The following HMGCS2 variants were observed in gnomAD, a reference collection of about 807,000 sequenced individuals.
HMGCS2 encodes the protein 3-hydroxy-3-methylglutaryl-CoA synthase 2, also known as hydroxymethylglutaryl-CoA synthase, mitochondrial.
A neutral mutation model predicts 57.4 loss-of-function variants in HMGCS2; 50 were observed. The ratio of observed to expected loss-of-function variants is 0.87; its 90% CI spans 0.69 to 1.10. The LOEUF is 1.10. Among genes scored for constraint, HMGCS2 ranks in the 50% least tolerant of loss-of-function variants. The pLI is 0.00. For missense variants in HMGCS2, 627 were observed against 636.5 expected, an observed-to-expected ratio of 0.99 and a Z score of 0.16; for synonymous variants, 254 against 245.1, an observed-to-expected ratio of 1.04 and a Z score of -0.34.
At position 119,748,749 on chromosome 1, in the gene HMGCS2, TACCAG is replaced by T. The variant is rs1440069329; in HGVS notation, c.*93_*97del. ...GCTACTATGTCGATTCAAATTCATT[TACCAG>T]CTAAGAGTGGGATCTTAAAAATATG... On this transcript the variant is annotated 3_prime_UTR_variant, in exon 10 of 10. Transcript: ENST00000369406. 1 of 152,250 alleles carries T rather than the reference TACCAG, an allele frequency of 6.6e-6. No individual in the cohort carries two copies. Among genetic ancestry groups the T allele is most frequent in the East Asian group, 1.9e-4 (1 of 5,194 alleles). 9.4% of individuals were successfully genotyped at this position (152,250 alleles called of 1,614,324 possible).
At chr1:119,757,571 T>C in intron 4 of HMGCS2, 133 bp from the exon 5 acceptor site, 1 of 1,401,472 alleles carries the variant, frequency 7.1e-7, no homozygotes, top group Non-Finnish European at 9.7e-7. Flanking sequence ...CAAACACATA[T>C]GAGCTTTATT....
intron 8 of HMGCS2, among the ~76,000 whole-genome samples, chr1:119,751,376 T>TG: frequency 6.6e-6 from 1 of 151,022 alleles, no homozygotes; most frequent in African/African-American, 2.4e-5. Context: ...TTTTTTTTTT[T>TG]TTTGTTTTGA....
At chr1:119,753,410 A>AACACACACACAC (rs71074435) in intron 6 of HMGCS2, 24 bp from the exon 7 acceptor site, 65 of 747,116 alleles carry the variant, frequency 8.7e-5, no homozygotes, top group South Asian at 4.4e-5. Flanking sequence ...AATCAAATAA[A>AACACACACACAC]ACACACACAC....
chr1:119,760,095 A>C (rs1159206811), intron 2 of HMGCS2, 106 bp from the exon 3 acceptor site: 1 of 1,041,120 alleles, frequency 9.6e-7, no homozygotes, highest in African/African-American at 1.6e-5. Context: ...TAGAGTGATA[A>C]ACAAAATAAA....
At chr1:119,759,306 C>T (rs1378857894) in intron 3 of HMGCS2, 24 bp from the exon 4 acceptor site, 1 of 1,610,606 alleles carries the variant, frequency 6.2e-7, no homozygotes, top group East Asian at 2.2e-5. Flanking sequence ...CAAAGTGTTT[C>T]AGAGACTACA....
Position 119,768,780 on chromosome 1 carries a change from G to A in HMGCS2, c.65C>T (p.Ser22Phe). Reference protein sequence around the residue: ...LQLTRAVQETSLTPARLLPVA... With the variant: ...LQLTRAVQETFLTPARLLPVA... ...TGGGAGCAGGCGAGCAGGTGTGAGGGAGGTTTCCTGCACCGCTCTTGTCAG... is the reference window on the plus strand; with the variant it reads ...TGGGAGCAGGCGAGCAGGTGTGAGGAAGGTTTCCTGCACCGCTCTTGTCAG... The change falls in exon 1 of 10, where the codon TCC becomes TTC. Residue 22 changes from serine to phenylalanine, a missense_variant. Ser to Phe is a radical substitution (Grantham distance 155, BLOSUM62 -2). Transcript: ENST00000369406. 6.2e-7 allele frequency: 1 copy of A among 1,614,110 alleles called. No homozygotes were observed. Among genetic ancestry groups the A allele is most frequent in the South Asian group, 1.1e-5 (1 of 91,082 alleles).
Position 119,764,633 on chromosome 1 carries a change from T to C in HMGCS2, c.105-7A>G. On this transcript the variant is annotated splice_region_variant and splice_polypyrimidine_tract_variant and intron_variant, in intron 1 of 9. Transcript: ENST00000369406. ...AGCAGAGGCTGTAGAAAACCTGTGA[T>C]GGAGATAACAGTCAAACTCCCACTA... 6.2e-7 allele frequency: 1 copy of C among 1,607,784 alleles called. No individual in the cohort carries two copies. Among genetic ancestry groups the C allele is most frequent in the Non-Finnish European group, 8.5e-7 (1 of 1,175,606 alleles).
At chr1:119,761,274 AC>A (rs1653029346) in intron 2 of HMGCS2, among the ~76,000 whole-genome samples, 1 of 150,470 alleles carries the variant, frequency 6.6e-6, no homozygotes. Context: ...ATATAAGCAC[AC>A]ACACGCACAC....
intron 1 of HMGCS2, among the ~76,000 whole-genome samples, chr1:119,768,440 A>T (rs1242411578): frequency 6.6e-6 from 1 of 152,164 alleles, no homozygotes; most frequent in Non-Finnish European, 1.5e-5. Context: ...GGTGGTGTAG[A>T]GAGGAAAGCT....
chr1:119,759,828 C>T, intron 3 of HMGCS2, 36 bp downstream of exon 3: 1 of 1,612,686 alleles, frequency 6.2e-7, no homozygotes, highest in Non-Finnish European at 8.5e-7. Flanking sequence ...CTTGGCTATG[C>T]CATGCACAGC....
In HMGCS2 at chr1:119,768,794, C is replaced by G; in HGVS notation, c.51G>C (p.Ala17=). Residue 17 remains alanine (A), a synonymous_variant, in exon 1 of 10, where the codon GCG becomes GCC. Transcript: ENST00000369406. ...CAGGTGTGAGGGAGGTTTCCTGCAC[C>G]GCTCTTGTCAGTTGCAGAATGCGCT... The part of the protein sequence containing the change: ...PVKRILQLTR[A]VQETSLTPAR... 1 of 1,614,056 alleles carries G rather than the reference C, an allele frequency of 6.2e-7. No individual in the cohort carries two copies. Among genetic ancestry groups the G allele is most frequent in the East Asian group, 2.2e-5 (1 of 44,880 alleles).
intron 9 of HMGCS2, among the ~76,000 whole-genome samples, chr1:119,749,609 C>T (rs1474175400): frequency 6.6e-6 from 1 of 152,162 alleles, no homozygotes; most frequent in African/African-American, 2.4e-5. Flanking sequence ...CTCTCCTAGC[C>T]CTAACAACAT....
chr1:119,756,115 C>T (rs1239496042), intron 5 of HMGCS2, among the ~76,000 whole-genome samples: 1 of 152,154 alleles, frequency 6.6e-6, no homozygotes, highest in Non-Finnish European at 1.5e-5. Flanking sequence ...TCATGCTCTC[C>T]TGTTACTCCT....
chr1:119,766,384 T>A lies in HMGCS2; in HGVS notation c.105-1758A>T, dbSNP rs587676190. On this transcript the variant is annotated intron_variant, in intron 1 of 9. Transcript: ENST00000369406. ...AGCTCCATTCTACGGGAGCTGGAACTCAGATTGAATGTGTCTATCAATCAT... is the reference window on the plus strand; with the variant it reads ...AGCTCCATTCTACGGGAGCTGGAACACAGATTGAATGTGTCTATCAATCAT... Among the ~76,000 whole-genome samples the A allele has an allele frequency of 3.3e-5, 5 of 152,322 alleles. No individual in the cohort carries two copies. In the East Asian group the frequency reaches 7.7e-4, roughly 23 times the overall value.
intron 2 of HMGCS2, 41 bp downstream of exon 2, chr1:119,764,131 T>A: frequency 6.3e-7 from 1 of 1,586,236 alleles, no homozygotes; most frequent in East Asian, 2.2e-5. Flanking sequence ...CAGCCTCCAA[T>A]TCCAGCACCT....
At position 119,757,177 on chromosome 1, in the gene HMGCS2, C is replaced by T. The variant is rs1652868390; in HGVS notation, c.1016+96G>A. On this transcript the variant is annotated intron_variant, in intron 5 of 9. Transcript: ENST00000369406. ...CTGCTGGAGGATTGCCATTTGTCCCCCACAGGGGTGCTGGTGGTCTAGACT... is the reference window on the plus strand; with the variant it reads ...CTGCTGGAGGATTGCCATTTGTCCCTCACAGGGGTGCTGGTGGTCTAGACT... 6.9e-6 allele frequency: 11 copies of T among 1,601,422 alleles called. No individual in the cohort carries two copies. The South Asian group carries it at 1.2e-4, about 18-fold the overall frequency.
At chr1:119,761,945 T>G (rs746666732) in intron 2 of HMGCS2, among the ~76,000 whole-genome samples, 2 of 152,228 alleles carry the variant, frequency 1.3e-5, no homozygotes, top group Non-Finnish European at 2.9e-5. Flanking sequence ...TGTAGGAATG[T>G]AAGTTAGTAC....
chr1:119,764,394 G>C lies in HMGCS2; in HGVS notation c.337C>G (p.Leu113Val). The change falls in exon 2 of 10, where the codon CTG (leucine) becomes GTG (valine). Residue 113 changes from leucine (L) to valine (V), a missense_variant. Coordinates refer to ENST00000369406, the MANE Select transcript of HMGCS2 (RefSeq NM_005518.4). ...NSLCLTVVQR[L>V]MERIQLPWDS... ...CATGGGAGCTGTATGCGCTCCATCA[G>C]CCGTTGCACCACCGTCAGGCACAGG... The C allele has an allele frequency of 6.2e-7, 1 of 1,614,228 alleles. No individual in the cohort carries two copies. The highest frequency in any genetic ancestry group is 8.5e-7 in the Non-Finnish European group (1 of 1,180,040).
At chr1:119,762,360 C>G (rs954728948) in intron 2 of HMGCS2, among the ~76,000 whole-genome samples, 1 of 129,596 alleles carries the variant, frequency 7.7e-6, no homozygotes, top group African/African-American at 2.6e-5. Context: ...GAAGTGGTAA[C>G]AGGTCAAATG....
Sources: allele counts gnomAD v4.1 joint callset (sites outside exome capture counted in the v4.1 genomes callset), GRCh38; gene constraint gnomAD v4.1.1; transcripts MANE v1.5; gene names NCBI Gene and HGNC (gene_info 2026-07-23, HGNC 2026-07-21).